Variants in WWOX observed in about 807,000 individuals in gnomAD.
WWOX encodes the protein WW domain containing oxidoreductase, also known as WW domain-containing oxidoreductase.
In WWOX, 69 loss-of-function variants were observed where a neutral mutation model predicts 46.2. The observed-to-expected ratio is 1.49, with a 90% CI of 1.23 to 1.82. The LOEUF is 1.82. Among genes scored for constraint, WWOX ranks in the 40% most tolerant of loss-of-function variants. The pLI, the probability that WWOX is intolerant of heterozygous loss-of-function variation, is 0.00. For synonymous variants in WWOX, 359 were observed against 202.6 expected, an observed-to-expected ratio of 1.77 and a Z score of -6.56; for missense variants, 919 against 542.6, an observed-to-expected ratio of 1.69 and a Z score of -6.89.
intron 8 of WWOX, among the ~76,000 whole-genome samples, chr16:79,032,174 T>G (rs541143356): frequency 6.9e-6 from 1 of 145,978 alleles, no homozygotes; most frequent in East Asian, 2.0e-4. Context: ...TGTTTTCCTT[T>G]GTCATTGCCC....
chr16:78,362,150 A>G (rs9937349), intron 5 of WWOX, among the ~76,000 whole-genome samples: 32,869 of 151,292 alleles, frequency 0.22, 5,066 homozygotes, highest in African/African-American at 0.44. Flanking sequence ...TGAGAACTTG[A>G]TTTTGAACAG....
intron 5 of WWOX, among the ~76,000 whole-genome samples, chr16:78,375,908 G>T (rs2081811378): frequency 1.4e-5 from 2 of 147,806 alleles, no homozygotes; most frequent in Admixed American, 1.4e-4. Context: ...CTCGAGTGCA[G>T]TGGCATGATG....
chr16:78,491,612 G>T (rs913768947), intron 8 of WWOX, among the ~76,000 whole-genome samples: 1 of 151,962 alleles, frequency 6.6e-6, no homozygotes, highest in Non-Finnish European at 1.5e-5. Context: ...ACAGTTGTGC[G>T]CTACCACACC....
intron 8 of WWOX, among the ~76,000 whole-genome samples, chr16:78,519,183 C>G (rs1471690165): frequency 6.6e-6 from 1 of 152,196 alleles, no homozygotes; most frequent in East Asian, 1.9e-4. Flanking sequence ...ATCTCTAAAA[C>G]GAGGCTCTTG....
intron 5 of WWOX, among the ~76,000 whole-genome samples, chr16:78,269,358 G>A (rs919370577): frequency 6.6e-6 from 1 of 152,278 alleles, no homozygotes; most frequent in East Asian, 1.9e-4. Flanking sequence ...AGAAAGGGAC[G>A]CAAAAGCTAG....
chr16:78,304,077 G>A (rs1226916464), intron 5 of WWOX, among the ~76,000 whole-genome samples: 2 of 152,084 alleles, frequency 1.3e-5, no homozygotes, highest in African/African-American at 4.8e-5. Flanking sequence ...CTGAACATTT[G>A]GAAACATAGC....
chr16:78,854,704 C>G (rs549949685), intron 8 of WWOX, among the ~76,000 whole-genome samples: 3 of 152,292 alleles, frequency 2.0e-5, no homozygotes, highest in Non-Finnish European at 4.4e-5. Flanking sequence ...CCTCAGCCTC[C>G]CAAGTAGTTG....
intron 6 of WWOX, among the ~76,000 whole-genome samples, chr16:78,396,919 G>T (rs2082300607): frequency 6.6e-6 from 1 of 152,154 alleles, no homozygotes; most frequent in Non-Finnish European, 1.5e-5. Flanking sequence ...TATCTGGCCT[G>T]GCAGCTGTGG....
At chr16:78,585,468 C>G (rs756463571) in intron 8 of WWOX, among the ~76,000 whole-genome samples, 2 of 152,134 alleles carry the variant, frequency 1.3e-5, no homozygotes, top group East Asian at 1.9e-4. Context: ...GGGCCCCCAA[C>G]TCAACTTTCA....
chr16:78,358,144 C>G (rs952986966), intron 5 of WWOX, among the ~76,000 whole-genome samples: 24 of 152,134 alleles, frequency 1.6e-4, no homozygotes, highest in Non-Finnish European at 2.8e-4. Context: ...ACAGAGAAAT[C>G]TAATTGTCAA....
rs74506165 is a variant in WWOX, at chr16:78,599,956, C to T, written c.1056+167204C>T. ...TTCCTTGCTGTTGATAAACACATAC[C>T]TGAGGCTGCATAATTTATGCAGGAA... is the stretch of plus-strand genomic sequence containing the variant. On this transcript the variant is annotated intron_variant, in intron 8 of 8. Coordinates refer to ENST00000566780, the MANE Select transcript of WWOX (RefSeq NM_016373.4). Among the ~76,000 whole-genome samples the T allele has an allele frequency of 2.0e-4, 30 of 152,180 alleles. No homozygotes were observed. The East Asian group carries it at 5.4e-3, about 28-fold the overall frequency.
rs115090708 is a variant in WWOX, at chr16:79,141,880, G to A, written c.1057-69728G>A. Among the ~76,000 whole-genome samples, 938 of 151,954 alleles carry A rather than the reference G, an allele frequency of 6.2e-3. 8 individuals are homozygous for A. The highest frequency in any genetic ancestry group is 0.022 in the African/African-American group (901 of 41,434). On this transcript the variant is annotated intron_variant, in intron 8 of 8. Transcript: ENST00000566780. ...TGCTTCTTGGCGTTGTGATTAGCCC[G>A]TCTAACAGGGCGGGCCAGAAGGAAG...
At chr16:79,053,213 G>T (rs1027670216) in intron 8 of WWOX, among the ~76,000 whole-genome samples, 4 of 152,120 alleles carry the variant, frequency 2.6e-5, no homozygotes, top group Non-Finnish European at 5.9e-5. Context: ...GGAGGCCAGG[G>T]TGTGTTTTAT....
At chr16:78,308,774 C>G (rs866787574) in intron 5 of WWOX, among the ~76,000 whole-genome samples, 2 of 152,252 alleles carry the variant, frequency 1.3e-5, no homozygotes, top group African/African-American at 2.4e-5. Flanking sequence ...GAACCTTGGT[C>G]TTTTTGTGGA....
At chr16:78,619,345 G>C (rs1349150594) in intron 8 of WWOX, among the ~76,000 whole-genome samples, 2 of 110,714 alleles carry the variant, frequency 1.8e-5, no homozygotes, top group African/African-American at 7.1e-5. Context: ...CTGGGCAACA[G>C]AGCAAGACGC....
chr16:78,696,168 G>A (rs560260610), intron 8 of WWOX, among the ~76,000 whole-genome samples: 32 of 152,254 alleles, frequency 2.1e-4, no homozygotes, highest in Non-Finnish European at 4.0e-4. Flanking sequence ...GCCTACCTAG[G>A]GGCTACATTC....
intron 5 of WWOX, among the ~76,000 whole-genome samples, chr16:78,352,262 C>G (rs1163545075): frequency 1.3e-5 from 2 of 152,154 alleles, no homozygotes; most frequent in African/African-American, 4.8e-5. Context: ...ATTTTGTTTC[C>G]TATCTCTGCT....
Position 78,592,855 on chromosome 16 carries a change from C to T in WWOX, c.1056+160103C>T, listed in dbSNP as rs892906543. ...CATTGCTTCTATCTTCATGATAACT[C>T]GCTGCCCAGAATGACCAGGCAGCAT... On this transcript the variant is annotated intron_variant, in intron 8 of 8. Transcript: ENST00000566780. Among the ~76,000 whole-genome samples, 5 of 152,270 alleles carry T rather than the reference C, an allele frequency of 3.3e-5. No homozygotes were observed. The South Asian group carries it at 6.2e-4, about 19-fold the overall frequency.
intron 8 of WWOX, among the ~76,000 whole-genome samples, chr16:78,569,009 G>C (rs2044647042): frequency 6.6e-6 from 1 of 152,188 alleles, no homozygotes; most frequent in African/African-American, 2.4e-5. Flanking sequence ...AGTGCTGTTA[G>C]GCACCACACA....
Sources: gnomAD v4.1 joint callset for allele counts (sites outside exome capture counted in the v4.1 genomes callset) on GRCh38, gnomAD v4.1.1 for gene constraint, MANE v1.5 for transcripts, NCBI Gene and HGNC (gene_info 2026-07-23, HGNC 2026-07-21) for gene names.